Variants in SLC10A1 observed in about 807,000 individuals in gnomAD.
SLC10A1 encodes solute carrier family 10 member 1.
In SLC10A1, 36 loss-of-function variants were observed where a neutral mutation model predicts 20.5. That is an observed-to-expected ratio of 1.75 (90% CI 1.34 to 2.32). SLC10A1 has a LOEUF of 2.32. Among genes scored for constraint, SLC10A1 ranks in the 30% most tolerant of loss-of-function variants. The pLI is 0.00. For synonymous variants in SLC10A1, 188 were observed against 163.6 expected, an observed-to-expected ratio of 1.15 and a Z score of -1.14; for missense variants, 545 against 439.1, an observed-to-expected ratio of 1.24 and a Z score of -2.16.
Position 69,796,974 on chromosome 14 carries a change from A to G in SLC10A1, c.182T>C (p.Leu61Pro). 6.2e-7 allele frequency: 1 copy of G among 1,614,264 alleles called. No homozygotes were observed. The highest frequency in any genetic ancestry group is 1.1e-5 in the South Asian group (1 of 91,084). ...IKAHLWKPKGLAIALVAQYGI... is the reference protein window; with the variant it reads ...IKAHLWKPKGPAIALVAQYGI... Reference sequence around the variant, plus strand: ...ATACTGTGCCACCAGGGCGATGGCCAGCCCTTTAGGCTTCCATAAGTGAGC... The same window carrying G: ...ATACTGTGCCACCAGGGCGATGGCCGGCCCTTTAGGCTTCCATAAGTGAGC... The change falls in exon 1 of 5, where the codon CTG becomes CCG. Residue 61 changes from leucine (L) to proline (P), a missense_variant. Transcript: ENST00000216540.
intron 2 of SLC10A1, among the ~76,000 whole-genome samples, chr14:69,779,638 T>C (rs559956484): frequency 1.1e-3 from 162 of 152,332 alleles, no homozygotes; most frequent in African/African-American, 3.7e-3. Context: ...GTGCTGGGAT[T>C]ACAGGTGTGA....
At chr14:69,785,609 G>A (rs568601102) in intron 2 of SLC10A1, among the ~76,000 whole-genome samples, 48 of 90,796 alleles carry the variant, frequency 5.3e-4, no homozygotes, top group African/African-American at 2.1e-3. Context: ...TTTTTTTTTC[G>A]TTTTAGAGAT....
chr14:69,781,051 T>A (rs3784152), intron 2 of SLC10A1, among the ~76,000 whole-genome samples: 55,275 of 151,978 alleles, frequency 0.36, 11,929 homozygotes, highest in African/African-American at 0.6. Flanking sequence ...GATATGATCC[T>A]GGTGGGAAAG....
chr14:69,789,685 G>A (rs1056986745), intron 1 of SLC10A1, among the ~76,000 whole-genome samples: 1 of 152,068 alleles, frequency 6.6e-6, no homozygotes, highest in African/African-American at 2.4e-5. Context: ...TGGATTTTAT[G>A]GTATGTGAAT....
intron 2 of SLC10A1, among the ~76,000 whole-genome samples, chr14:69,780,485 CA>C (rs1320211921): frequency 6.7e-6 from 1 of 149,860 alleles, no homozygotes; most frequent in African/African-American, 2.4e-5. Flanking sequence ...TTCCTAGTAA[CA>C]TTTTAAAAAA....
chr14:69,791,101 G>A (rs530628341), intron 1 of SLC10A1, among the ~76,000 whole-genome samples: 266 of 151,906 alleles, frequency 1.8e-3, no homozygotes, highest in Middle Eastern at 3.4e-3. Flanking sequence ...TTATAGAAAG[G>A]TATTAAAAAA....
At chr14:69,782,028 T>C (rs1883603989) in intron 2 of SLC10A1, among the ~76,000 whole-genome samples, 1 of 152,202 alleles carries the variant, frequency 6.6e-6, no homozygotes, top group Non-Finnish European at 1.5e-5. Context: ...ATATTATTTA[T>C]GGGACAGGGT....
intron 1 of SLC10A1, among the ~76,000 whole-genome samples, chr14:69,786,664 C>A (rs1272485960): frequency 6.6e-6 from 1 of 152,154 alleles, no homozygotes; most frequent in Non-Finnish European, 1.5e-5. Flanking sequence ...CCATGCCAAG[C>A]CCATTTTGTA....
In SLC10A1 at chr14:69,776,650, T is replaced by C. The variant is rs116556602; in HGVS notation, c.944-262A>G. On this transcript the variant is annotated intron_variant, in intron 4 of 4. Coordinates refer to ENST00000216540, the MANE Select transcript of SLC10A1 (RefSeq NM_003049.4). Reference sequence around the variant, plus strand: ...CATCACTTCACTTCTAACTTCGTTATACAGTAAAACAACAGGAGATGAGTT... The same window carrying C: ...CATCACTTCACTTCTAACTTCGTTACACAGTAAAACAACAGGAGATGAGTT... Among the ~76,000 whole-genome samples the C allele has an allele frequency of 9.4e-3, 1,433 of 152,342 alleles. 20 individuals carry two copies. Among genetic ancestry groups the C allele is most frequent in the African/African-American group, 0.031 (1,285 of 41,572 alleles).
At chr14:69,791,332 G>A (rs560392400) in intron 1 of SLC10A1, among the ~76,000 whole-genome samples, 3 of 150,764 alleles carry the variant, frequency 2.0e-5, no homozygotes, top group East Asian at 1.9e-4. Flanking sequence ...ACAGAGTCTC[G>A]CTCTGTCACC....
rs756252909 is a variant in SLC10A1 at position 69,776,377 on chromosome 14, T to A, written c.955A>T (p.Met319Leu). The A allele has an allele frequency of 6.2e-7, 1 of 1,607,502 alleles. No individual in the cohort carries two copies. ...TCAGTTGTGGCAGCTGTGTAGATCATTTTTGTTTTATCTGTAAAGTTAAAA... is the reference window on the plus strand; with the variant it reads ...TCAGTTGTGGCAGCTGTGTAGATCAATTTTGTTTTATCTGTAAAGTTAAAA... ...KFKTPKDKTK[M>L]IYTAATTEET... The change falls in exon 5 of 5, where the codon ATG becomes TTG. Residue 319 changes from methionine (M) to leucine (L), a missense_variant. Coordinates refer to ENST00000216540, the MANE Select transcript of SLC10A1 (RefSeq NM_003049.4).
rs1439379876 is a variant in SLC10A1, at chr14:69,778,474, T to C, written c.802A>G (p.Thr268Ala). ...GGTGGAAAGGCCACATTGAGGATGGTGGAACAGAGTTGGACATTTTGGCAT... is the reference window on the plus strand; with the variant it reads ...GGTGGAAAGGCCACATTGAGGATGGCGGAACAGAGTTGGACATTTTGGCAT... Reference protein sequence around the residue: ...TGCQNVQLCSTILNVAFPPEV... With the variant: ...TGCQNVQLCSAILNVAFPPEV... The change falls in exon 4 of 5, where the codon ACC becomes GCC. Residue 268 changes from threonine to alanine, a missense_variant. Transcript: ENST00000216540. 6.2e-7 allele frequency: 1 copy of C among 1,613,556 alleles called. No homozygotes were observed. Among genetic ancestry groups the C allele is most frequent in the Admixed American group, 1.7e-5 (1 of 59,940 alleles).
intron 2 of SLC10A1, among the ~76,000 whole-genome samples, chr14:69,785,198 A>T (rs1883684034): frequency 6.6e-6 from 1 of 152,172 alleles, no homozygotes; most frequent in Non-Finnish European, 1.5e-5. Context: ...GGTTGAAAAT[A>T]TTGGTGGAGA....
chr14:69,778,332 C>G lies in SLC10A1; in HGVS notation c.943+1G>C. 6.3e-7 allele frequency: 1 copy of G among 1,598,634 alleles called. No homozygotes were observed. The highest frequency in any genetic ancestry group is 8.5e-7 in the Non-Finnish European group (1 of 1,172,442). On this transcript the variant is annotated splice_donor_variant, in intron 4 of 4. Coordinates refer to ENST00000216540, the MANE Select transcript of SLC10A1 (RefSeq NM_003049.4). LOFTEE classifies it high-confidence loss of function. ...GAAGTGGGGATAATTTCAGTACTCA[C>G]CCTTGGGAGTCTTGAATTTCTCATA...
Position 69,786,291 on chromosome 14 carries a change from A to G in SLC10A1, c.373T>C (p.Cys125Arg), listed in dbSNP as rs200944279. 1.9e-6 allele frequency: 3 copies of G among 1,614,134 alleles called. No individual in the cohort carries two copies. Among genetic ancestry groups the G allele is most frequent in the Non-Finnish European group, 2.5e-6 (3 of 1,179,996 alleles). The change falls in exon 2 of 5, where the codon TGC becomes CGC. Residue 125 changes from cysteine to arginine, a missense_variant. Physicochemically the swap from Cys to Arg is radical, Grantham distance 180. Coordinates refer to ENST00000216540, the MANE Select transcript of SLC10A1 (RefSeq NM_003049.4). ...ATGCCAAGGGCACAGAAGGTGGAGC[A>G]GGTGGTCATCACAATGCTGGTGGGA... ...DMNLSIVMTT[C>R]STFCALGMMP...
chr14:69,779,620 C>G (rs906019174), intron 2 of SLC10A1, among the ~76,000 whole-genome samples: 3 of 152,162 alleles, frequency 2.0e-5, no homozygotes, highest in Non-Finnish European at 4.4e-5. Context: ...CTGCCTTGGC[C>G]TTCCAAAGTG....
At chr14:69,784,553 A>G (rs1883669035) in intron 2 of SLC10A1, among the ~76,000 whole-genome samples, 1 of 152,196 alleles carries the variant, frequency 6.6e-6, no homozygotes, top group Non-Finnish European at 1.5e-5. Flanking sequence ...GACTACTCCT[A>G]AAACCTGGCT....
At chr14:69,784,584 A>AT (rs1328313034) in intron 2 of SLC10A1, among the ~76,000 whole-genome samples, 1 of 152,158 alleles carries the variant, frequency 6.6e-6, no homozygotes, top group Non-Finnish European at 1.5e-5. Context: ...GCAAAGGGAG[A>AT]TATTAGGTGG....
intron 1 of SLC10A1, among the ~76,000 whole-genome samples, chr14:69,793,142 T>C (rs1468306249): frequency 6.6e-6 from 1 of 152,182 alleles, no homozygotes; most frequent in East Asian, 1.9e-4. Context: ...GGAATCATGC[T>C]TACTTTGGCT....
Sources: allele counts gnomAD v4.1 joint callset (sites outside exome capture counted in the v4.1 genomes callset), GRCh38; gene constraint gnomAD v4.1.1; transcripts MANE v1.5; gene names NCBI Gene and HGNC (gene_info 2026-07-23, HGNC 2026-07-21).